Variants in SHANK2 observed in about 807,000 individuals in gnomAD.
The protein encoded by SHANK2 is SH3 and multiple ankyrin repeat domains 2, also known as SH3 and multiple ankyrin repeat domains protein 2.
A neutral mutation model predicts 133.7 loss-of-function variants in SHANK2; 43 were observed. The observed-to-expected ratio is 0.32, with a 90% CI of 0.25 to 0.41. The LOEUF is 0.41. SHANK2 is among the 10% of genes least tolerant of loss of function. SHANK2 has a pLI of 1.00. For synonymous variants in SHANK2, 1,017 were observed against 952.8 expected (o/e 1.07, Z -1.24); for missense variants, 1,994 against 2,235.8 (o/e 0.89, Z 2.18).
Position 70,469,117 on chromosome 11 carries a change from C to G in SHANK2, c.*3752G>C, listed in dbSNP as rs1288150039. The G allele has an allele frequency of 2.6e-5, 4 of 152,236 alleles. No homozygotes were observed. Among genetic ancestry groups the G allele is most frequent in the African/African-American group, 4.8e-5 (2 of 41,444 alleles). The allele number at this position is 152,236 out of a possible 1,614,324, so 9.4% of individuals were successfully genotyped here. A position where few individuals can be genotyped will look rare whatever the true frequency, so the allele number is the denominator to read the frequency against. ...GCCCTCCGCGGCACCGCTGCTTCCA[C>G]CCAGAACAAAAGGAAAAGCCGAGCC... is the stretch of plus-strand genomic sequence containing the variant. On this transcript the variant is annotated 3_prime_UTR_variant, in exon 26 of 26. Coordinates refer to ENST00000601538, the MANE Select transcript of SHANK2 (RefSeq NM_012309.5).
At chr11:71,158,255 A>T (rs1269370068) in intron 2 of SHANK2, among the ~76,000 whole-genome samples, 7 of 152,186 alleles carry the variant, frequency 4.6e-5, no homozygotes, top group Non-Finnish European at 7.4e-5. Context: ...AAAACTAGTT[A>T]AAAAAAAGTC....
intron 2 of SHANK2, among the ~76,000 whole-genome samples, chr11:71,167,567 C>CG (rs1953190578): frequency 7.4e-6 from 1 of 135,496 alleles, no homozygotes; most frequent in African/African-American, 2.9e-5. Context: ...CCCTCCCGGA[C>CG]GGGGCGGCTG....
chr11:70,798,816 C>A (rs1168193513), intron 13 of SHANK2, among the ~76,000 whole-genome samples: 1 of 152,232 alleles, frequency 6.6e-6, no homozygotes, highest in Non-Finnish European at 1.5e-5. Context: ...ATGTTTGCAT[C>A]TTTACGTATC....
At chr11:71,079,167 T>C (rs1298669048) in intron 8 of SHANK2, among the ~76,000 whole-genome samples, 1 of 152,232 alleles carries the variant, frequency 6.6e-6, no homozygotes, top group Admixed American at 6.5e-5. Context: ...AAGGCATTCC[T>C]GCCAAATGCA....
intron 12 of SHANK2, among the ~76,000 whole-genome samples, chr11:70,811,525 CCACCCACCCACT>C (rs1948276623): frequency 6.6e-6 from 1 of 152,062 alleles, no homozygotes; most frequent in African/African-American, 2.4e-5. Flanking sequence ...TTCCATCCAT[CCACCCACCCACT>C]CATCCACCCA....
chr11:70,922,836 A>G (rs971501662), intron 10 of SHANK2, among the ~76,000 whole-genome samples: 3 of 152,218 alleles, frequency 2.0e-5, no homozygotes, highest in African/African-American at 4.8e-5. Context: ...TACCACAGCT[A>G]GGAGATGCAG....
intron 11 of SHANK2, among the ~76,000 whole-genome samples, chr11:70,878,766 A>G (rs75891315): frequency 0.03 from 4,516 of 152,172 alleles, 235 homozygotes; most frequent in African/African-American, 0.1. Context: ...CTGCTGCGCT[A>G]CCCAGGGCTC....
At chr11:71,181,117 G>T in intron 2 of SHANK2, among the ~76,000 whole-genome samples, 1 of 152,086 alleles carries the variant, frequency 6.6e-6, no homozygotes, top group East Asian at 1.9e-4. Context: ...GCTGACGAGG[G>T]GAGGTCTGGA....
chr11:70,927,167 A>AT (rs1302690463), intron 10 of SHANK2, among the ~76,000 whole-genome samples: 1 of 152,212 alleles, frequency 6.6e-6, no homozygotes, highest in African/African-American at 2.4e-5. Context: ...GTAGACTCCA[A>AT]TGCAACACAC....
At position 71,251,776 on chromosome 11, in the gene SHANK2, C is replaced by T. The variant is rs539952618; in HGVS notation, c.-113+649G>A. On this transcript the variant is annotated intron_variant, in intron 1 of 25. Transcript: ENST00000601538. ...ACCTGGGCGCCCGACCCGCCACCCCCGGGCCCGCACCAGGCGCGCCGGCCC... is the reference window on the plus strand; with the variant it reads ...ACCTGGGCGCCCGACCCGCCACCCCTGGGCCCGCACCAGGCGCGCCGGCCC... Among the ~76,000 whole-genome samples, 249 of 151,100 alleles carry T rather than the reference C, an allele frequency of 1.6e-3. 2 individuals are homozygous for T. The highest frequency in any genetic ancestry group is 5.9e-3 in the African/African-American group (243 of 41,432).
intron 17 of SHANK2, among the ~76,000 whole-genome samples, chr11:70,511,335 A>G (rs1345012805): frequency 6.6e-6 from 1 of 152,270 alleles, no homozygotes; most frequent in Non-Finnish European, 1.5e-5. Flanking sequence ...GCCTTTAAAC[A>G]AACCTAAAAT....
chr11:70,501,802 G>T, intron 20 of SHANK2, 121 bp downstream of exon 20: 1 of 1,013,030 alleles, frequency 9.9e-7, no homozygotes, highest in South Asian at 1.4e-5. Context: ...GGAGCCTTCT[G>T]GTCTGAGCCA....
At chr11:70,629,250 C>A (rs781957362) in intron 17 of SHANK2, among the ~76,000 whole-genome samples, 2 of 152,178 alleles carry the variant, frequency 1.3e-5, no homozygotes, top group Non-Finnish European at 2.9e-5. Flanking sequence ...GTCCCCTGCC[C>A]CACCAACTAA....
At chr11:70,810,522 T>C (rs1948256643) in intron 12 of SHANK2, among the ~76,000 whole-genome samples, 1 of 152,190 alleles carries the variant, frequency 6.6e-6, no homozygotes, top group Admixed American at 6.5e-5. Flanking sequence ...CTCCTCTCCT[T>C]GAACTTCCCT....
chr11:70,745,932 C>G (rs534535897), intron 14 of SHANK2, among the ~76,000 whole-genome samples: 2 of 152,346 alleles, frequency 1.3e-5, no homozygotes, highest in Admixed American at 1.3e-4. Context: ...AAAAAGGCCT[C>G]GGATGTGAAA....
In SHANK2 at chr11:70,727,825, G is replaced by A. The variant is rs774203560; in HGVS notation, c.1778-29062C>T. Among the ~76,000 whole-genome samples, 4 of 152,206 alleles carry A rather than the reference G, an allele frequency of 2.6e-5. No homozygotes were observed. In the South Asian group the frequency reaches 6.2e-4, roughly 24 times the overall value. ...AACACAGCCTCTGTTCCCCCAAGAC[G>A]CTGGATGGGGGCCATGGGCTGTCCT... On this transcript the variant is annotated intron_variant, in intron 14 of 25. Coordinates refer to ENST00000601538, the MANE Select transcript of SHANK2 (RefSeq NM_012309.5).
At chr11:70,931,924 T>C (rs1950509846) in intron 10 of SHANK2, among the ~76,000 whole-genome samples, 1 of 152,210 alleles carries the variant, frequency 6.6e-6, no homozygotes, top group Admixed American at 6.5e-5. Context: ...CCTGTAGAAA[T>C]CCTAGCAATT....
intron 17 of SHANK2, among the ~76,000 whole-genome samples, chr11:70,595,389 T>G (rs2060385884): frequency 6.6e-6 from 1 of 152,200 alleles, no homozygotes; most frequent in African/African-American, 2.4e-5. Flanking sequence ...TTTAATAAAT[T>G]TATTTATAAA....
intron 14 of SHANK2, among the ~76,000 whole-genome samples, chr11:70,754,917 AC>A (rs1555038389): frequency 6.6e-6 from 1 of 152,206 alleles, no homozygotes; most frequent in East Asian, 1.9e-4. Context: ...GACATCGATT[AC>A]AGGGAGGCAC....
Sources: gnomAD v4.1 joint callset for allele counts (sites outside exome capture counted in the v4.1 genomes callset) on GRCh38, gnomAD v4.1.1 for gene constraint, MANE v1.5 for transcripts, NCBI Gene and HGNC (gene_info 2026-07-23, HGNC 2026-07-21) for gene names.